PACRG: variants seen among roughly 807,000 people sequenced by gnomAD.
The protein encoded by PACRG is parkin coregulated gene protein.
A neutral mutation model predicts 29.7 loss-of-function variants in PACRG; 29 were observed. The observed-to-expected ratio is 0.98, with a 90% confidence interval of 0.73 to 1.33. PACRG has a LOEUF of 1.33. PACRG is among the 40% of genes most tolerant of loss of function. PACRG has a pLI of 0.00. For synonymous variants in PACRG, 116 were observed against 118.7 expected, an observed-to-expected ratio of 0.98 and a Z score of 0.15; for missense variants, 279 against 316.2, an observed-to-expected ratio of 0.88 and a Z score of 0.89.
rs374579023 is a variant in PACRG, at chr6:163,076,622, T to G, written c.464-12637T>G. ...AAAATTTTGTTTTTGACTTTATTTCTTACTATTTCCCTTCATTCACCCTGT... is the reference window on the plus strand; with the variant it reads ...AAAATTTTGTTTTTGACTTTATTTCGTACTATTTCCCTTCATTCACCCTGT... On this transcript the variant is annotated intron_variant, in intron 3 of 4. Coordinates refer to ENST00000366888, the MANE Select transcript of PACRG (RefSeq NM_001080379.2). Among the ~76,000 whole-genome samples the G allele has an allele frequency of 2.0e-5, 3 of 152,246 alleles. No individual in the cohort carries two copies. The East Asian group carries it at 5.8e-4, about 29-fold the overall frequency.
At chr6:162,737,667 A>G (rs185295254) in intron 1 of PACRG, among the ~76,000 whole-genome samples, 4 of 152,212 alleles carry the variant, frequency 2.6e-5, no homozygotes, top group African/African-American at 9.6e-5. Context: ...TATCCTGTTA[A>G]TTCCCAGAAT....
At chr6:163,296,515 G>A (rs1228868286) in intron 4 of PACRG, among the ~76,000 whole-genome samples, 1 of 152,192 alleles carries the variant, frequency 6.6e-6, no homozygotes, top group Non-Finnish European at 1.5e-5. Context: ...GGCTGGTCTT[G>A]AACTTCTGAC....
chr6:162,851,920 GAGAAA>G (rs944008582), intron 2 of PACRG, among the ~76,000 whole-genome samples: 2 of 132,772 alleles, frequency 1.5e-5, no homozygotes, highest in Non-Finnish European at 3.2e-5. Context: ...AGAAAGAAAA[GAGAAA>G]AGAAAAGAAA....
chr6:162,921,705 A>C (rs1030129281), intron 2 of PACRG, among the ~76,000 whole-genome samples: 1 of 152,182 alleles, frequency 6.6e-6, no homozygotes, highest in Admixed American at 6.5e-5. Context: ...ATACAGAGTT[A>C]TATTTCCACA....
intron 1 of PACRG, among the ~76,000 whole-genome samples, chr6:162,788,946 G>A (rs191986089): frequency 1.5e-4 from 23 of 152,034 alleles, no homozygotes; most frequent in African/African-American, 4.8e-4. Context: ...CTTCCAGTCC[G>A]TGGCTTGTCT....
intron 4 of PACRG, among the ~76,000 whole-genome samples, chr6:163,093,840 A>G (rs891579532): frequency 7.2e-5 from 11 of 152,230 alleles, no homozygotes; most frequent in Non-Finnish European, 1.5e-4. Context: ...CATTAAAGAG[A>G]CTTAAAATTT....
At chr6:162,751,409 A>G (rs2128279951) in intron 1 of PACRG, among the ~76,000 whole-genome samples, 1 of 152,194 alleles carries the variant, frequency 6.6e-6, no homozygotes, top group Non-Finnish European at 1.5e-5. Flanking sequence ...TCTAATTGTC[A>G]TTTGTTTCTG....
chr6:163,258,018 C>T (rs1267287210), intron 4 of PACRG, among the ~76,000 whole-genome samples: 1 of 152,100 alleles, frequency 6.6e-6, no homozygotes, highest in Non-Finnish European at 1.5e-5. Flanking sequence ...TCTTTTCTCT[C>T]TTCCCATTAT....
chr6:162,728,002 A>G lies in PACRG; in HGVS notation c.-234A>G. On this transcript the variant is annotated 5_prime_UTR_variant, in exon 1 of 5. Transcript: ENST00000366888. The stretch of plus-strand genomic sequence containing the variant: ...TAGCAACCGGGAGGCTTACCTTTGG[A>G]AGCTTGTTGCAGCTCTAGCCAAGGT... 1.6e-6 allele frequency: 1 copy of G among 630,018 alleles called. No homozygotes were observed. Among genetic ancestry groups the G allele is most frequent in the South Asian group, 1.9e-5 (1 of 52,104 alleles). 39.0% of individuals were successfully genotyped at this position (630,018 alleles called of 1,614,324 possible).
At chr6:162,809,673 G>A (rs1786665160) in intron 1 of PACRG, among the ~76,000 whole-genome samples, 1 of 152,120 alleles carries the variant, frequency 6.6e-6, no homozygotes, top group South Asian at 2.1e-4. Context: ...TTTGAGAAGT[G>A]CAAAGACAAA....
chr6:162,757,295 G>C (rs9365487), intron 1 of PACRG, among the ~76,000 whole-genome samples: 28,707 of 151,820 alleles, frequency 0.19, 3,172 homozygotes, highest in East Asian at 0.48. Context: ...TATTCTTTTT[G>C]AATATCACTG....
intron 2 of PACRG, among the ~76,000 whole-genome samples, chr6:163,026,853 C>T (rs554713737): frequency 1.3e-4 from 20 of 152,286 alleles, no homozygotes; most frequent in African/African-American, 4.8e-4. Flanking sequence ...GAAGAGGTGC[C>T]GTAGCAAATT....
At chr6:163,269,449 T>A (rs1783652296) in intron 4 of PACRG, among the ~76,000 whole-genome samples, 1 of 152,216 alleles carries the variant, frequency 6.6e-6, no homozygotes, top group African/African-American at 2.4e-5. Flanking sequence ...ATGCCACCTG[T>A]GTCCATGGAG....
intron 4 of PACRG, among the ~76,000 whole-genome samples, chr6:163,175,743 A>AG (rs1779316325): frequency 1.3e-5 from 1 of 76,112 alleles, no homozygotes; most frequent in South Asian, 4.3e-4. Flanking sequence ...AGCACCTGTC[A>AG]AAGGAGGAGG....
At chr6:163,157,417 A>G (rs1440828653) in intron 4 of PACRG, among the ~76,000 whole-genome samples, 3 of 152,122 alleles carry the variant, frequency 2.0e-5, no homozygotes, top group South Asian at 2.1e-4. Flanking sequence ...TGCTGTCCCT[A>G]CAACCACATC....
chr6:162,927,727 C>T (rs1221431399), intron 2 of PACRG, among the ~76,000 whole-genome samples: 1 of 152,076 alleles, frequency 6.6e-6, no homozygotes, highest in East Asian at 1.9e-4. Flanking sequence ...GTGCAGCAAA[C>T]CACCATGGAG....
At chr6:162,987,961 G>A (rs1020563402) in intron 2 of PACRG, among the ~76,000 whole-genome samples, 1 of 152,206 alleles carries the variant, frequency 6.6e-6, no homozygotes, top group Non-Finnish European at 1.5e-5. Context: ...TATGTCATGA[G>A]TTGCTGTAAT....
chr6:163,217,526 G>A (rs1781410869), intron 4 of PACRG, among the ~76,000 whole-genome samples: 2 of 152,158 alleles, frequency 1.3e-5, no homozygotes, highest in Admixed American at 6.5e-5. Flanking sequence ...AGGGGTTCCC[G>A]GGGTAGGGGT....
chr6:163,042,022 C>T (rs1344678917), intron 2 of PACRG, among the ~76,000 whole-genome samples: 3 of 152,176 alleles, frequency 2.0e-5, no homozygotes, highest in African/African-American at 4.8e-5. Flanking sequence ...TGCACCACCA[C>T]GCCTGGCTAA....
Sources: gnomAD v4.1 joint callset for allele counts (sites outside exome capture counted in the v4.1 genomes callset) on GRCh38, gnomAD v4.1.1 for gene constraint, MANE v1.5 for transcripts, NCBI Gene and HGNC (gene_info 2026-07-23, HGNC 2026-07-21) for gene names.